Variants in STEEP1 observed in about 807,000 individuals in gnomAD.
STEEP1 encodes the protein STING ER exit protein.
Under a neutral mutation model 19.2 loss-of-function variants are expected in STEEP1, and 3 were observed. The observed-to-expected ratio is 0.16, with a 90% CI of 0.07 to 0.40. STEEP1 has a LOEUF of 0.40. Among genes scored for constraint, STEEP1 ranks in the 10% least tolerant of loss-of-function variants. The pLI is 0.99. For synonymous variants in STEEP1, 46 were observed against 63.7 expected, an observed-to-expected ratio of 0.72 and a Z score of 1.32; for missense variants, 54 against 177.1, an observed-to-expected ratio of 0.30 and a Z score of 3.94.
chrX:119,544,480 G>A lies in STEEP1; in HGVS notation c.296C>T (p.Pro99Leu), dbSNP rs750476480. 38 of 1,207,778 alleles carry A rather than the reference G, an allele frequency of 3.1e-5. No homozygotes were observed. The highest frequency in any genetic ancestry group is 2.3e-4 in the Middle Eastern group (1 of 4,364). The change falls in exon 4 of 7, where the codon CCG (proline) becomes CTG (leucine). Residue 99 changes from proline (P) to leucine (L), a missense_variant. Physicochemically the swap from Pro to Leu is moderately conservative, Grantham distance 98. Around this residue, in one of 2 missense-constraint regions of STEEP1, gnomAD observed 47 missense variants for 118.5 expected, o/e 0.40. Coordinates refer to ENST00000644802, the MANE Select transcript of STEEP1 (RefSeq NM_022101.4). ...YRKKCAKCGLPLFYQSQPKNA... is the reference protein window; with the variant it reads ...YRKKCAKCGLLLFYQSQPKNA... Reference sequence around the variant, plus strand: ...CTTTGGCTGGGATTGGTAGAAGAGCGGCAGTCCACACCTGCAATGACACAG... The same window carrying A: ...CTTTGGCTGGGATTGGTAGAAGAGCAGCAGTCCACACCTGCAATGACACAG...
chrX:119,545,087 C>T (rs183412836), intron 3 of STEEP1, among the ~76,000 whole-genome samples: 1 of 111,051 alleles, frequency 9.0e-6, no homozygotes, highest in African/African-American at 3.3e-5. Flanking sequence ...GACGAGGTGG[C>T]TCAGGCCTGT....
chrX:119,550,312 T>C (rs2053234436), intron 2 of STEEP1, among the ~76,000 whole-genome samples: 1 of 111,717 alleles, frequency 9.0e-6, no homozygotes, highest in Non-Finnish European at 1.9e-5. Context: ...AATTTCAAAA[T>C]TGACTAAAAA....
intron 5 of STEEP1, 30 bp from the exon 6 acceptor site, chrX:119,541,450 G>C: frequency 1.1e-6 from 1 of 880,653 alleles, no homozygotes. Flanking sequence ...TCCTTAAACC[G>C]GAAGTCTCAC....
chrX:119,544,678 C>T (rs754914376), intron 3 of STEEP1, among the ~76,000 whole-genome samples, 187 bp from the exon 4 acceptor site: 3 of 112,372 alleles, frequency 2.7e-5, no homozygotes, highest in South Asian at 3.6e-4. Flanking sequence ...TGGTGGCTCA[C>T]GCCTGTAATC....
intron 2 of STEEP1, among the ~76,000 whole-genome samples, chrX:119,548,750 G>A (rs888864333): frequency 9.0e-6 from 1 of 111,048 alleles, no homozygotes; most frequent in Non-Finnish European, 1.9e-5. Flanking sequence ...ATCTCAAAGA[G>A]ATATGTGCAC....
intron 2 of STEEP1, among the ~76,000 whole-genome samples, chrX:119,550,308 A>C (rs1348438232): frequency 1.8e-5 from 2 of 112,194 alleles, no homozygotes; most frequent in African/African-American, 6.5e-5. Context: ...TCCCAATTTC[A>C]AAATTGACTA....
intron 2 of STEEP1, among the ~76,000 whole-genome samples, chrX:119,551,378 G>A (rs1349829535): frequency 2.7e-5 from 3 of 109,368 alleles, no homozygotes; most frequent in African/African-American, 1.0e-4. Flanking sequence ...TACTTGGGAG[G>A]CTGAGGCAGG....
intron 1 of STEEP1, among the ~76,000 whole-genome samples, chrX:119,562,990 G>A (rs922067771): frequency 1.1e-4 from 12 of 111,582 alleles, no homozygotes; most frequent in Admixed American, 2.9e-4. Flanking sequence ...TTGACATGAT[G>A]GAGAAAAAGC....
At chrX:119,553,880 A>G (rs1312675339) in intron 2 of STEEP1, among the ~76,000 whole-genome samples, 1 of 112,365 alleles carries the variant, frequency 8.9e-6, no homozygotes, top group Non-Finnish European at 1.9e-5. Context: ...GTTTATAAAA[A>G]TGTATCTATT....
At chrX:119,542,693 T>C (rs777614970) in intron 4 of STEEP1, 99 bp from the exon 5 acceptor site, 37 of 523,718 alleles carry the variant, frequency 7.1e-5, no homozygotes, top group East Asian at 3.5e-4. Flanking sequence ...GCTGTGGGTA[T>C]TGGGGGAAAC....
intron 1 of STEEP1, among the ~76,000 whole-genome samples, chrX:119,563,795 T>A (rs2053338189): frequency 8.9e-6 from 1 of 111,736 alleles, no homozygotes; most frequent in African/African-American, 3.3e-5. Context: ...GATTTCCTGA[T>A]GGACTGGACA....
intron 2 of STEEP1, among the ~76,000 whole-genome samples, chrX:119,556,762 G>A (rs777027855): frequency 1.8e-5 from 2 of 110,760 alleles, no homozygotes; most frequent in Non-Finnish European, 3.8e-5. Context: ...AGGCACAGTA[G>A]GCAGATTTAG....
At position 119,543,951 on chromosome X, in the gene STEEP1, G is replaced by A. The variant is rs766878186; in HGVS notation, c.423+402C>T. On this transcript the variant is annotated intron_variant, in intron 4 of 6. Transcript: ENST00000644802. ...AGTCATGAGGCAACTGTAGGAAAGA[G>A]AGAACACATAACAGGTGTTACAATT... Among the ~76,000 whole-genome samples the A allele has an allele frequency of 2.7e-5, 3 of 112,045 alleles. No homozygotes were observed. In the East Asian group the frequency reaches 8.4e-4, roughly 31 times the overall value.
intron 5 of STEEP1, 22 bp downstream of exon 5, chrX:119,542,483 C>T (rs2053171696): frequency 8.8e-7 from 1 of 1,141,972 alleles, no homozygotes; most frequent in African/African-American, 1.8e-5. Context: ...ATTCCAGTTT[C>T]CTTAAGACCA....
chrX:119,554,920 AAC>A (rs1282243654), intron 2 of STEEP1, among the ~76,000 whole-genome samples: 1 of 110,546 alleles, frequency 9.0e-6, no homozygotes, highest in Non-Finnish European at 1.9e-5. Flanking sequence ...CAGCCTGGGC[AAC>A]ATAGGAAGAC....
intron 1 of STEEP1, among the ~76,000 whole-genome samples, chrX:119,562,321 C>T (rs1231116553): frequency 2.7e-5 from 3 of 111,321 alleles, no homozygotes; most frequent in African/African-American, 6.5e-5. Context: ...CACCTGAGGT[C>T]GGGAGTTTGA....
intron 2 of STEEP1, among the ~76,000 whole-genome samples, chrX:119,548,806 G>A (rs1388267952): frequency 9.0e-6 from 1 of 111,705 alleles, no homozygotes; most frequent in Admixed American, 9.6e-5. Flanking sequence ...AGATATGGAA[G>A]CAACCTAAAT....
Position 119,547,367 on chromosome X carries a change from A to C in STEEP1, c.243-1863T>G, listed in dbSNP as rs771739291. ...ATTTCTCTCTATAGAAGTTGAACCA[A>C]TTTAGACTCACACTACCAATATACT... On this transcript the variant is annotated intron_variant, in intron 2 of 6. Transcript: ENST00000644802. 1.8e-3 allele frequency among the ~76,000 whole-genome samples: 200 copies of C among 112,087 alleles called. 1 individual carries two copies. The highest frequency in any genetic ancestry group is 5.9e-3 in the African/African-American group (183 of 30,958).
chrX:119,544,706 C>T (rs780926691), intron 3 of STEEP1, among the ~76,000 whole-genome samples: 3 of 111,721 alleles, frequency 2.7e-5, no homozygotes, highest in South Asian at 3.7e-4. Flanking sequence ...TTTGGGAGGC[C>T]GAGGCAGGTG....
Sources: allele counts gnomAD v4.1 joint callset (sites outside exome capture counted in the v4.1 genomes callset), GRCh38; gene constraint gnomAD v4.1.1; regional missense constraint gnomAD v4.1.1; transcripts MANE v1.5; gene names NCBI Gene and HGNC (gene_info 2026-07-23, HGNC 2026-07-21).